TTC39C: variants seen among roughly 807,000 people sequenced by gnomAD.
TTC39C encodes tetratricopeptide repeat protein 39C.
In TTC39C, 33 loss-of-function variants were observed where a neutral mutation model predicts 76.3. That is an observed-to-expected ratio of 0.43 (90% confidence interval 0.33 to 0.58). The LOEUF is 0.58. Ranked by LOEUF, TTC39C falls within the 20% of genes least tolerant of loss-of-function variation. The pLI is 0.04. For missense variants in TTC39C, 595 were observed against 701.4 expected (o/e 0.85, Z 1.71); for synonymous variants, 254 against 260.6 (o/e 0.97, Z 0.24).
chr18:24,009,910 G>A (rs1244903948), upstream of TTC39C, among the ~76,000 whole-genome samples: 2 of 152,250 alleles, frequency 1.3e-5, no homozygotes, highest in Non-Finnish European at 2.9e-5. Flanking sequence ...GTTTCCCAGG[G>A]CAGCCATGAG....
At chr18:24,117,323 G>A (rs894891484) in intron 7 of TTC39C, among the ~76,000 whole-genome samples, 66 of 152,258 alleles carry the variant, frequency 4.3e-4, no homozygotes, top group Admixed American at 4.2e-3. Flanking sequence ...CAGGAAGGTG[G>A]GGTTCTTTCA....
intron 1 of TTC39C, among the ~76,000 whole-genome samples, chr18:24,025,743 G>A (rs1204322504): frequency 6.6e-6 from 1 of 152,186 alleles, no homozygotes; most frequent in East Asian, 1.9e-4. Flanking sequence ...TGAGCTTGGG[G>A]TGGGAGGGTT....
At chr18:24,059,686 G>A (rs1390044097) in intron 1 of TTC39C, among the ~76,000 whole-genome samples, 1 of 152,202 alleles carries the variant, frequency 6.6e-6, no homozygotes, top group African/African-American at 2.4e-5. Flanking sequence ...ACATGTGCAT[G>A]TGTCTTTAGA....
rs1009378294 is a variant in TTC39C, at chr18:24,104,079, T to G, written c.985-10475T>G. On this transcript the variant is annotated intron_variant, in intron 6 of 13. Transcript: ENST00000317571. ...CTTGAGTAGCTGGGATTACAGGCAC[T>G]TGCCACCACGCCCGGCTAATTTTTG... Among the ~76,000 whole-genome samples, 44 of 152,158 alleles carry G rather than the reference T, an allele frequency of 2.9e-4. 1 individual carries two copies. In the East Asian group the frequency reaches 5.8e-3, roughly 20 times the overall value.
At chr18:24,107,797 A>T (rs1449599220) in intron 6 of TTC39C, among the ~76,000 whole-genome samples, 1 of 151,536 alleles carries the variant, frequency 6.6e-6, no homozygotes, top group Non-Finnish European at 1.5e-5. Flanking sequence ...TCCCTCTGCC[A>T]CCCAGGCGGG....
chr18:24,096,679 A>T (rs1298647695), intron 6 of TTC39C, among the ~76,000 whole-genome samples: 2 of 152,182 alleles, frequency 1.3e-5, no homozygotes, highest in East Asian at 1.9e-4. Flanking sequence ...CAAATTCTTA[A>T]AATAGATAAA....
At chr18:24,086,085 T>TA (rs1199708069) in intron 6 of TTC39C, among the ~76,000 whole-genome samples, 10 of 152,212 alleles carry the variant, frequency 6.6e-5, no homozygotes, top group African/African-American at 2.4e-4. Context: ...TTATGAAACT[T>TA]ACATGACTCC....
chr18:24,116,819 GT>G (rs767138108), intron 7 of TTC39C, among the ~76,000 whole-genome samples: 10,127 of 94,978 alleles, frequency 0.11, 855 homozygotes, highest in African/African-American at 0.27. Flanking sequence ...TGATACCTTA[GT>G]TTTTTTTTTT....
chr18:24,118,283 C>G, intron 8 of TTC39C, 51 bp downstream of exon 8: 1 of 1,456,300 alleles, frequency 6.9e-7, no homozygotes, highest in Non-Finnish European at 9.5e-7. Flanking sequence ...TGAATTAGCT[C>G]GCCTGACGTG....
Position 24,080,501 on chromosome 18 carries a change from A to G in TTC39C, c.461-84A>G, listed in dbSNP as rs149078771. 196 of 1,061,892 alleles carry G rather than the reference A, an allele frequency of 1.8e-4. No individual in the cohort carries two copies. In the African/African-American group the frequency reaches 2.8e-3, roughly 15 times the overall value. The allele number at this position is 1,061,892 out of a possible 1,614,324, so 65.8% of individuals were successfully genotyped here. ...TTTTTACATTTTTGGCTTGATTTTC[A>G]GGTTACTGTTCAGTATCCTTTACTA... On this transcript the variant is annotated intron_variant, in intron 4 of 13. Transcript: ENST00000317571.
intron 1 of TTC39C, among the ~76,000 whole-genome samples, chr18:24,057,139 G>T (rs1422710125): frequency 6.6e-6 from 1 of 151,552 alleles, no homozygotes; most frequent in African/African-American, 2.4e-5. Flanking sequence ...TAATCTCTTT[G>T]CCCCAAATTA....
chr18:24,089,723 A>G (rs2084494168), intron 6 of TTC39C, among the ~76,000 whole-genome samples: 1 of 152,190 alleles, frequency 6.6e-6, no homozygotes, highest in South Asian at 2.1e-4. Flanking sequence ...TCCCTTGCCT[A>G]CATGGTCCTA....
intron 1 of TTC39C, among the ~76,000 whole-genome samples, chr18:23,995,676 G>A (rs1245911628): frequency 6.6e-6 from 1 of 151,844 alleles, no homozygotes; most frequent in African/African-American, 2.4e-5. Context: ...TGACCTGCCT[G>A]GGCAACCATA....
At chr18:24,094,469 C>T (rs1382429404) in intron 6 of TTC39C, among the ~76,000 whole-genome samples, 53 of 152,188 alleles carry the variant, frequency 3.5e-4, no homozygotes, top group Admixed American at 3.4e-3. Flanking sequence ...TTTCAATTTA[C>T]TTTGCTCAGA....
intron 4 of TTC39C, among the ~76,000 whole-genome samples, chr18:24,079,989 A>G (rs2145757151): frequency 6.6e-6 from 1 of 151,908 alleles, no homozygotes; most frequent in South Asian, 2.1e-4. Flanking sequence ...TTTTATAGAG[A>G]TGAGATTTCT....
chr18:24,053,593 G>GA (rs1214477742), intron 1 of TTC39C, among the ~76,000 whole-genome samples: 1 of 152,184 alleles, frequency 6.6e-6, no homozygotes, highest in Non-Finnish European at 1.5e-5. Flanking sequence ...AACAAATTTG[G>GA]AAAACATAGC....
At chr18:24,099,157 A>G (rs1164326875) in intron 6 of TTC39C, 1 of 149,874 alleles carries the variant, frequency 6.7e-6, no homozygotes. Flanking sequence ...TGTGTGTCTT[A>G]GTTTGGGCTG....
intron 1 of TTC39C, among the ~76,000 whole-genome samples, chr18:24,005,251 C>A (rs1023382250): frequency 3.3e-4 from 50 of 152,190 alleles, no homozygotes; most frequent in African/African-American, 1.1e-3. Context: ...TGGGATAAAG[C>A]CCACCTTACA....
chr18:24,094,411 A>G (rs1389316701), intron 6 of TTC39C, among the ~76,000 whole-genome samples: 1 of 152,194 alleles, frequency 6.6e-6, no homozygotes, highest in Admixed American at 6.5e-5. Context: ...CCTTCTATGA[A>G]TCCATGTTCT....
Sources: allele counts gnomAD v4.1 joint callset (sites outside exome capture counted in the v4.1 genomes callset), GRCh38; gene constraint gnomAD v4.1.1; transcripts MANE v1.5; gene names NCBI Gene and HGNC (gene_info 2026-07-23, HGNC 2026-07-21).